SMYD3: variants seen among roughly 807,000 people sequenced by gnomAD.
SMYD3 encodes histone-lysine N-methyltransferase SMYD3.
SMYD3 carries 36 observed loss-of-function variants against 57.7 expected under a neutral mutation model. That is an observed-to-expected ratio of 0.62 (90% CI 0.48 to 0.82). SMYD3 has a LOEUF of 0.82. Ranked by LOEUF, SMYD3 falls within the 40% of genes least tolerant of loss-of-function variation. The pLI is 0.00. For missense variants in SMYD3, 515 were observed against 538.8 expected (o/e 0.96, Z 0.44); for synonymous variants, 211 against 195.0 (o/e 1.08, Z -0.68).
chr1:246,454,282 T>C (rs1038212678), intron 1 of SMYD3, among the ~76,000 whole-genome samples: 4 of 152,160 alleles, frequency 2.6e-5, no homozygotes, highest in Admixed American at 2.6e-4. Context: ...CAGGCAACCA[T>C]TACTTATGGA....
chr1:246,146,593 G>C (rs1234048151), intron 5 of SMYD3, among the ~76,000 whole-genome samples: 1 of 152,168 alleles, frequency 6.6e-6, no homozygotes, highest in Non-Finnish European at 1.5e-5. Context: ...AAGACTAACA[G>C]AAGACCGTCC....
Position 245,958,099 on chromosome 1 carries a change from C to CT in SMYD3, c.532-28163dup, listed in dbSNP as rs372932335. 2.7e-3 allele frequency among the ~76,000 whole-genome samples: 406 copies of CT among 152,158 alleles called. 2 individuals carry two copies. Among genetic ancestry groups the CT allele is most frequent in the African/African-American group, 9.0e-3 (374 of 41,536 alleles). ...ACTTTATGAGGTGCCTGTCTAGATT[C>CT]TTTTTTTACCACGAAAGTTGGGAGA... On this transcript the variant is annotated intron_variant, in intron 5 of 11. Transcript: ENST00000490107.
intron 11 of SMYD3, 85 bp downstream of exon 11, chr1:245,763,956 A>G: frequency 3.0e-6 from 3 of 995,280 alleles, no homozygotes; most frequent in Admixed American, 1.7e-5. Flanking sequence ...ACATACATAG[A>G]GCTGCTAACA....
At chr1:246,147,303 G>A (rs192735090) in intron 5 of SMYD3, among the ~76,000 whole-genome samples, 5 of 152,276 alleles carry the variant, frequency 3.3e-5, no homozygotes, top group African/African-American at 4.8e-5. Context: ...CCACACCTCC[G>A]GGGAGTCATG....
chr1:246,494,282 A>T lies in SMYD3; in HGVS notation c.164+12772T>A, dbSNP rs144609665. The stretch of plus-strand genomic sequence containing the variant: ...TCGCTGCAGTCATAATGGTCTACTA[A>T]ACAATGTATGCACATTTCCCAATTA... On this transcript the variant is annotated intron_variant, in intron 1 of 11. Coordinates refer to ENST00000490107, the MANE Select transcript of SMYD3 (RefSeq NM_001167740.2). Among the ~76,000 whole-genome samples, 264 of 152,320 alleles carry T rather than the reference A, an allele frequency of 1.7e-3. 1 individual carries two copies. Among genetic ancestry groups the T allele is most frequent in the African/African-American group, 6.3e-3 (261 of 41,578 alleles).
At chr1:246,206,970 A>G (rs1172700176) in intron 5 of SMYD3, among the ~76,000 whole-genome samples, 1 of 152,212 alleles carries the variant, frequency 6.6e-6, no homozygotes, top group Admixed American at 6.5e-5. Flanking sequence ...AAGTGATGGC[A>G]GACTCAGAAG....
In SMYD3 at chr1:245,927,913, A is replaced by G. The variant is rs1334980745; in HGVS notation, c.702+18T>C. The G allele has an allele frequency of 6.3e-7, 1 of 1,598,310 alleles. No homozygotes were observed. The highest frequency in any genetic ancestry group is 1.7e-5 in the Admixed American group (1 of 59,760). Reference sequence around the variant, plus strand: ...TGATAGGAAAGAAGGCCAGGCTGGGAAGCATGAGTTTCCTTACCTCCTCTC... The same window carrying G: ...TGATAGGAAAGAAGGCCAGGCTGGGGAGCATGAGTTTCCTTACCTCCTCTC... On this transcript the variant is annotated intron_variant, in intron 7 of 11. Coordinates refer to ENST00000490107, the MANE Select transcript of SMYD3 (RefSeq NM_001167740.2).
chr1:246,017,975 A>G (rs182712526), intron 5 of SMYD3, among the ~76,000 whole-genome samples: 54 of 152,314 alleles, frequency 3.5e-4, no homozygotes, highest in African/African-American at 1.3e-3. Flanking sequence ...AAACAAGAAG[A>G]CATCCCAGGC....
intron 10 of SMYD3, among the ~76,000 whole-genome samples, chr1:245,825,734 A>G (rs1284619432): frequency 6.6e-6 from 1 of 152,268 alleles, no homozygotes; most frequent in East Asian, 1.9e-4. Context: ...CATGCTGAAC[A>G]TGTGTCATTA....
intron 10 of SMYD3, among the ~76,000 whole-genome samples, chr1:245,820,100 A>C (rs1441548164): frequency 6.7e-6 from 1 of 148,296 alleles, no homozygotes; most frequent in Non-Finnish European, 1.5e-5. Context: ...CAAAAAAGAG[A>C]ATTTTAGACC....
chr1:245,937,653 C>T (rs1280923480), intron 5 of SMYD3, among the ~76,000 whole-genome samples: 4 of 152,228 alleles, frequency 2.6e-5, no homozygotes, highest in African/African-American at 4.8e-5. Flanking sequence ...CATAGCTCCA[C>T]GGTCACATCT....
intron 10 of SMYD3, among the ~76,000 whole-genome samples, chr1:245,779,566 TAG>T (rs1301139859): frequency 6.6e-6 from 1 of 152,148 alleles, no homozygotes; most frequent in Non-Finnish European, 1.5e-5. Context: ...AATCCCTACT[TAG>T]AGCTCAAATT....
At position 246,072,471 on chromosome 1, in the gene SMYD3, C is replaced by G. The variant is rs117001126; in HGVS notation, c.532-142534G>C. ...TCAGTGTGGATGAATCGTGTTAGTT[C>G]TATCATGTTAGACAGGACTCTTATC... is the stretch of plus-strand genomic sequence containing the variant. On this transcript the variant is annotated intron_variant, in intron 5 of 11. Transcript: ENST00000490107. 2.8e-4 allele frequency among the ~76,000 whole-genome samples: 43 copies of G among 152,314 alleles called. No individual in the cohort carries two copies. The East Asian group carries it at 7.3e-3, about 26-fold the overall frequency.
chr1:246,302,618 G>A (rs1159894799), intron 5 of SMYD3, among the ~76,000 whole-genome samples: 1 of 151,996 alleles, frequency 6.6e-6, no homozygotes, highest in Admixed American at 6.6e-5. Flanking sequence ...AATGGGTTAG[G>A]GTTAGCTAAG....
chr1:245,931,636 C>T (rs1330789506), intron 5 of SMYD3, among the ~76,000 whole-genome samples: 1 of 151,276 alleles, frequency 6.6e-6, no homozygotes, highest in South Asian at 2.1e-4. Flanking sequence ...CATCAAAAAA[C>T]AAAAAAAGGA....
At chr1:246,265,702 T>G (rs2064092824) in intron 5 of SMYD3, among the ~76,000 whole-genome samples, 1 of 147,484 alleles carries the variant, frequency 6.8e-6, no homozygotes, top group African/African-American at 2.5e-5. Context: ...CCAGTGACCA[T>G]CACATGTCTT....
chr1:245,988,077 TTTACGTTA>T (rs1289909783), intron 5 of SMYD3, among the ~76,000 whole-genome samples: 2 of 150,460 alleles, frequency 1.3e-5, no homozygotes, highest in Non-Finnish European at 3.0e-5. Context: ...CAGGTTTGGC[TTTACGTTA>T]TTAAACAGAC....
At chr1:246,100,036 T>A (rs1221570950) in intron 5 of SMYD3, among the ~76,000 whole-genome samples, 1 of 152,186 alleles carries the variant, frequency 6.6e-6, no homozygotes, top group Non-Finnish European at 1.5e-5. Flanking sequence ...TCTTAATTGT[T>A]TTACTGGCAC....
chr1:246,126,818 C>T (rs4654210), intron 5 of SMYD3, among the ~76,000 whole-genome samples: 70,947 of 152,084 alleles, frequency 0.47, 20,608 homozygotes, highest in Non-Finnish European at 0.66. Flanking sequence ...GAATAGTCAA[C>T]AAGTAAGCAT....
Sources: allele counts gnomAD v4.1 joint callset (sites outside exome capture counted in the v4.1 genomes callset), GRCh38; gene constraint gnomAD v4.1.1; transcripts MANE v1.5; gene names NCBI Gene and HGNC (gene_info 2026-07-23, HGNC 2026-07-21).